GRIA4: variants seen among roughly 807,000 people sequenced by gnomAD.
GRIA4 encodes the protein glutamate ionotropic receptor AMPA type subunit 4.
GRIA4 carries 34 observed loss-of-function variants against 104.0 expected under a neutral mutation model. The ratio of observed to expected loss-of-function variants is 0.33; its 90% confidence interval spans 0.25 to 0.44. The LOEUF (loss-of-function observed/expected upper bound fraction) is 0.44. Among genes scored for constraint, GRIA4 ranks in the 20% least tolerant of loss-of-function variants. GRIA4 has a pLI of 1.00. For missense variants in GRIA4, 750 were observed against 1,096.5 expected (o/e 0.68, Z 4.46); for synonymous variants, 386 against 381.9 (o/e 1.01, Z -0.13).
At chr11:105,766,698 A>G (rs1018707069) in intron 4 of GRIA4, among the ~76,000 whole-genome samples, 2 of 152,062 alleles carry the variant, frequency 1.3e-5, no homozygotes, top group Non-Finnish European at 2.9e-5. Flanking sequence ...TGACCATCAA[A>G]TTACCCCTCT....
At chr11:105,951,220 G>A (rs756855725) in intron 14 of GRIA4, among the ~76,000 whole-genome samples, 34 of 152,188 alleles carry the variant, frequency 2.2e-4, no homozygotes, top group Non-Finnish European at 4.6e-4. Flanking sequence ...AAGAGTAAGA[G>A]ACAGTGGGGG....
chr11:105,801,812 C>T (rs1391261274), intron 4 of GRIA4, among the ~76,000 whole-genome samples: 1 of 152,064 alleles, frequency 6.6e-6, no homozygotes, highest in East Asian at 1.9e-4. Flanking sequence ...AGATATTGTG[C>T]TTCTGATCAC....
At chr11:105,780,372 T>C (rs1319054583) in intron 4 of GRIA4, among the ~76,000 whole-genome samples, 1 of 152,216 alleles carries the variant, frequency 6.6e-6, no homozygotes, top group Non-Finnish European at 1.5e-5. Flanking sequence ...ATGGAACTAT[T>C]ATTCAACATC....
chr11:105,898,187 AG>A, intron 6 of GRIA4, 81 bp from the exon 7 acceptor site: 1 of 655,268 alleles, frequency 1.5e-6, no homozygotes, highest in Non-Finnish European at 2.7e-6. Flanking sequence ...TAATATGTAT[AG>A]GTTATTAATT....
chr11:105,973,490 T>G (rs757365049), intron 15 of GRIA4, among the ~76,000 whole-genome samples: 1 of 152,054 alleles, frequency 6.6e-6, no homozygotes. Context: ...ATAAATAATA[T>G]CTCTAAAATA....
At chr11:105,873,656 A>G (rs1339529923) in intron 5 of GRIA4, among the ~76,000 whole-genome samples, 1 of 152,030 alleles carries the variant, frequency 6.6e-6, no homozygotes, top group East Asian at 1.9e-4. Flanking sequence ...TTTGATTTGC[A>G]TTTCTCTAAT....
intron 5 of GRIA4, among the ~76,000 whole-genome samples, chr11:105,876,493 T>A (rs1000851025): frequency 6.6e-6 from 1 of 152,220 alleles, no homozygotes; most frequent in African/African-American, 2.4e-5. Flanking sequence ...CTCTTTGATC[T>A]GTCTACTATT....
At chr11:105,869,886 C>T (rs774313982) in intron 5 of GRIA4, among the ~76,000 whole-genome samples, 1 of 151,980 alleles carries the variant, frequency 6.6e-6, no homozygotes. Flanking sequence ...TCATATACAA[C>T]TTGTGACAAG....
intron 11 of GRIA4, 62 bp downstream of exon 11, chr11:105,918,980 G>T: frequency 1.0e-6 from 1 of 973,136 alleles, no homozygotes; most frequent in Non-Finnish European, 1.7e-6. Flanking sequence ...TTTCCCTTGG[G>T]CACATAACAA....
intron 4 of GRIA4, among the ~76,000 whole-genome samples, chr11:105,846,340 G>A (rs1303722593): frequency 1.3e-5 from 2 of 152,084 alleles, no homozygotes; most frequent in Admixed American, 1.3e-4. Flanking sequence ...GAAGTGAGGA[G>A]GAAGAGGTAT....
rs562115038 is a variant in GRIA4 at position 105,718,236 on chromosome 11, T to G, written c.248-34745T>G. Among the ~76,000 whole-genome samples the G allele has an allele frequency of 2.6e-5, 4 of 152,304 alleles. No homozygotes were observed. In the East Asian group the frequency reaches 7.7e-4, roughly 29 times the overall value. ...AATTAGGTGTGGTCACACAAGTATA[T>G]AGACTACATGTGTAGCACTGACTGA... On this transcript the variant is annotated intron_variant, in intron 3 of 16. Transcript: ENST00000282499.
intron 5 of GRIA4, among the ~76,000 whole-genome samples, chr11:105,867,083 T>G (rs981169112): frequency 9.2e-5 from 14 of 152,100 alleles, no homozygotes; most frequent in Admixed American, 2.6e-4. Flanking sequence ...GGGAATTTAG[T>G]GTCCCATCAG....
At chr11:105,619,354 C>T (rs966779111) in intron 3 of GRIA4, among the ~76,000 whole-genome samples, 1 of 151,808 alleles carries the variant, frequency 6.6e-6, no homozygotes, top group Non-Finnish European at 1.5e-5. Flanking sequence ...AGTTAAAAAT[C>T]AGTTATTATA....
intron 3 of GRIA4, among the ~76,000 whole-genome samples, chr11:105,747,417 T>C (rs1939725995): frequency 6.6e-6 from 1 of 152,150 alleles, no homozygotes; most frequent in Admixed American, 6.5e-5. Context: ...ATAGAGGGAA[T>C]GAAATGTTTA....
At chr11:105,835,661 C>T (rs1255215568) in intron 4 of GRIA4, among the ~76,000 whole-genome samples, 1 of 151,920 alleles carries the variant, frequency 6.6e-6, no homozygotes, top group Non-Finnish European at 1.5e-5. Flanking sequence ...TAGGAGGATT[C>T]GCAGGTGATA....
intron 14 of GRIA4, among the ~76,000 whole-genome samples, chr11:105,957,637 G>A (rs1948625074): frequency 6.6e-6 from 1 of 152,144 alleles, no homozygotes; most frequent in African/African-American, 2.4e-5. Context: ...GTTTTTTCCA[G>A]TTATGTGAAG....
intron 4 of GRIA4, among the ~76,000 whole-genome samples, chr11:105,764,299 G>A (rs1320514677): frequency 6.6e-6 from 1 of 152,016 alleles, no homozygotes. Flanking sequence ...ACCACGCCCA[G>A]CTAATTTTTT....
At chr11:105,892,943 A>G (rs538840636) in intron 6 of GRIA4, among the ~76,000 whole-genome samples, 5 of 152,352 alleles carry the variant, frequency 3.3e-5, no homozygotes, top group African/African-American at 1.2e-4. Context: ...AACTTAAAGA[A>G]TAAGCATTTA....
chr11:105,703,702 C>T (rs1230457366), intron 3 of GRIA4, among the ~76,000 whole-genome samples: 2 of 151,986 alleles, frequency 1.3e-5, no homozygotes, highest in Non-Finnish European at 2.9e-5. Context: ...TACACTTTTA[C>T]ATAGAAAAGA....
Sources: gnomAD v4.1 joint callset for allele counts (sites outside exome capture counted in the v4.1 genomes callset) on GRCh38, gnomAD v4.1.1 for gene constraint, MANE v1.5 for transcripts, NCBI Gene and HGNC (gene_info 2026-07-23, HGNC 2026-07-21) for gene names.